CCND3: variants seen among roughly 807,000 people sequenced by gnomAD.
The protein encoded by CCND3 is G1/S-specific cyclin-D3.
CCND3 carries 9 observed loss-of-function variants against 28.7 expected under a neutral mutation model. The observed-to-expected ratio is 0.31, with a 90% CI of 0.19 to 0.55. The LOEUF (loss-of-function observed/expected upper bound fraction) is 0.55, where lower values mean the gene tolerates loss of function less well. CCND3 is among the 20% of genes least tolerant of loss of function. CCND3 has a pLI of 0.93. For missense variants in CCND3, 315 were observed against 385.8 expected, an observed-to-expected ratio of 0.82 and a Z score of 1.54; for synonymous variants, 164 against 163.9, an observed-to-expected ratio of 1.00 and a Z score of 0.00.
intron 1 of CCND3, among the ~76,000 whole-genome samples, chr6:41,987,097 G>A (rs1762500696): frequency 1.3e-5 from 2 of 151,904 alleles, no homozygotes; most frequent in Non-Finnish European, 2.9e-5. Context: ...AACCAGCTCT[G>A]GATATTAATT....
chr6:42,015,890 CTT>C (rs1346908174), intron 1 of CCND3, among the ~76,000 whole-genome samples: 2 of 151,760 alleles, frequency 1.3e-5, no homozygotes, highest in Non-Finnish European at 2.9e-5. Flanking sequence ...ACACTGCTCT[CTT>C]AGCAGTTTTC....
At chr6:42,015,430 G>A (rs1319520486) in intron 1 of CCND3, among the ~76,000 whole-genome samples, 1 of 152,102 alleles carries the variant, frequency 6.6e-6, no homozygotes, top group African/African-American at 2.4e-5. Context: ...AAAAGTTATG[G>A]CCAGGCACAG....
intron 1 of CCND3, among the ~76,000 whole-genome samples, chr6:42,032,491 A>G (rs1764073153): frequency 6.6e-6 from 1 of 152,250 alleles, no homozygotes; most frequent in Non-Finnish European, 1.5e-5. Flanking sequence ...TTTGATTTCA[A>G]TACCTATGGC....
intron 1 of CCND3, among the ~76,000 whole-genome samples, chr6:41,993,941 A>G (rs56305800): frequency 0.38 from 424 of 1,128 alleles, 162 homozygotes; most frequent in South Asian, 0.56. Context: ...AAAAAAAAAA[A>G]AAAAAAAAAA....
At position 41,941,061 on chromosome 6, in the gene CCND3, G is replaced by T; in HGVS notation, c.198+391C>A. 2.1e-5 allele frequency: 34 copies of T among 1,588,700 alleles called. No individual in the cohort carries two copies. Among genetic ancestry groups the T allele is most frequent in the Non-Finnish European group, 2.8e-5 (33 of 1,166,162 alleles). ...ATCGCCTTCCCCGCCAGAACCCCGC[G>T]AAAGACACAGGAACCGGCTCCCGGG... On this transcript the variant is annotated intron_variant, in intron 1 of 4. Transcript: ENST00000372991. This position sits in a 1 kb window ranked among gnomAD's most constrained non-coding sequence, Gnocchi z 6.1.
At chr6:42,035,568 T>C (rs1364646435) in intron 1 of CCND3, among the ~76,000 whole-genome samples, 1 of 150,578 alleles carries the variant, frequency 6.6e-6, no homozygotes, top group Admixed American at 6.6e-5. Flanking sequence ...GGGGTTTCAC[T>C]GTGTTAGCCA....
chr6:41,996,401 C>T (rs902746691), intron 1 of CCND3, among the ~76,000 whole-genome samples: 8 of 151,726 alleles, frequency 5.3e-5, no homozygotes, highest in Admixed American at 4.6e-4. Flanking sequence ...CCGCTCGCCT[C>T]GGCCTCCCAA....
In CCND3 at chr6:41,935,905, C is replaced by T. The variant is rs1377305475; in HGVS notation, c.*35G>A. 6.3e-7 allele frequency: 1 copy of T among 1,584,282 alleles called. No individual in the cohort carries two copies. Among genetic ancestry groups the T allele is most frequent in the Non-Finnish European group, 8.6e-7 (1 of 1,164,686 alleles). On this transcript the variant is annotated 3_prime_UTR_variant, in exon 5 of 5. Transcript: ENST00000372991. ...GAGGTGGGTGGCAGCGGCCCCTCCT[C>T]TGCTTAGTGGCCACTCCAGAGGGCC...
At chr6:42,015,954 T>C (rs1481459620) in intron 1 of CCND3, among the ~76,000 whole-genome samples, 1 of 151,384 alleles carries the variant, frequency 6.6e-6, no homozygotes, top group Non-Finnish European at 1.5e-5. Context: ...TTATTTATTT[T>C]TTGAGATGGA....
rs1188051072 is a variant in CCND3 at position 41,957,475 on chromosome 6, C to T, written c.-45-16890G>A. Among the ~76,000 whole-genome samples the T allele has an allele frequency of 2.0e-5, 3 of 152,350 alleles. No individual in the cohort carries two copies. The East Asian group carries it at 5.8e-4, about 29-fold the overall frequency. On this transcript the variant is annotated intron_variant, in intron 1 of 4. Transcript: ENST00000372988. ...AGCCTCTTCCCTTAAGGCCTAGCTC[C>T]TGGCCCATCTGTTCCATGAAGCTCG... is the stretch of plus-strand genomic sequence containing the variant.
chr6:42,025,573 G>T (rs1428330794), intron 1 of CCND3, among the ~76,000 whole-genome samples: 1 of 152,184 alleles, frequency 6.6e-6, no homozygotes, highest in African/African-American at 2.4e-5. Flanking sequence ...GTGTGAGAGG[G>T]AAGTGAAACC....
In CCND3 at chr6:41,939,164, C is replaced by T. The variant is rs989947162; in HGVS notation, c.414+1206G>A. On this transcript the variant is annotated intron_variant, in intron 2 of 4. Coordinates refer to ENST00000372991, the MANE Select transcript of CCND3 (RefSeq NM_001760.5). The surrounding 1 kb of genome is among the most constrained non-coding windows in gnomAD (Gnocchi z 4.2). ...TGTGGCGCCTCCTGGATTCCCAACT[C>T]TGGCCTCCTACTCCCATCTCTGAGC... Among the ~76,000 whole-genome samples, 1 of 152,196 alleles carries T rather than the reference C, an allele frequency of 6.6e-6. No individual in the cohort carries two copies. Among genetic ancestry groups the T allele is most frequent in the African/African-American group, 2.4e-5 (1 of 41,454 alleles).
At chr6:42,006,454 C>T (rs1763177349) in intron 1 of CCND3, among the ~76,000 whole-genome samples, 1 of 151,958 alleles carries the variant, frequency 6.6e-6, no homozygotes, top group African/African-American at 2.4e-5. Context: ...GGCAAGGATG[C>T]CTGCTGTCCT....
intron 1 of CCND3, among the ~76,000 whole-genome samples, chr6:42,000,564 CTTTTTTTT>C (rs774090777): frequency 1.2e-5 from 1 of 85,516 alleles, no homozygotes; most frequent in African/African-American, 4.9e-5. Context: ...TGAAACGAAT[CTTTTTTTT>C]TTTTTTTTTT....
At chr6:42,013,796 G>A (rs973637376) in intron 1 of CCND3, among the ~76,000 whole-genome samples, 12 of 152,178 alleles carry the variant, frequency 7.9e-5, no homozygotes, top group Non-Finnish European at 1.3e-4. Context: ...ACTCAGGGCC[G>A]GGCGTGGTGG....
intron 1 of CCND3, among the ~76,000 whole-genome samples, chr6:42,008,359 CAA>C (rs1763239448): frequency 6.6e-6 from 1 of 151,126 alleles, no homozygotes; most frequent in African/African-American, 2.4e-5. Flanking sequence ...GCCTGGGCAA[CAA>C]GAGCGAAACT....
At chr6:42,037,792 G>A (rs1764264100) in intron 1 of CCND3, among the ~76,000 whole-genome samples, 1 of 151,718 alleles carries the variant, frequency 6.6e-6, no homozygotes, top group Admixed American at 6.6e-5. Context: ...CAGCACTTTG[G>A]GAGGCCGAGG....
chr6:41,997,773 C>T (rs1428098298), intron 1 of CCND3, among the ~76,000 whole-genome samples: 2 of 151,942 alleles, frequency 1.3e-5, no homozygotes, highest in Admixed American at 1.3e-4. Flanking sequence ...TTCACCACCA[C>T]CCAGAAGAGC....
At chr6:41,952,998 G>A (rs1050277566) in intron 1 of CCND3, among the ~76,000 whole-genome samples, 2 of 152,186 alleles carry the variant, frequency 1.3e-5, no homozygotes, top group East Asian at 3.8e-4. Context: ...AACAGGGGGT[G>A]CAGTGGCTTA....
Sources: allele counts gnomAD v4.1 joint callset (sites outside exome capture counted in the v4.1 genomes callset), GRCh38; gene constraint gnomAD v4.1.1; non-coding constraint Gnocchi (gnomAD v3.1); transcripts MANE v1.5; gene names NCBI Gene and HGNC (gene_info 2026-07-23, HGNC 2026-07-21).